The following KCNJ16 variants were observed in gnomAD, a reference collection of about 807,000 sequenced individuals.
The protein encoded by KCNJ16 is inward rectifier potassium channel 16.
In KCNJ16, 15 loss-of-function variants were observed where a neutral mutation model predicts 18.5. The ratio of observed to expected loss-of-function variants is 0.81; its 90% CI spans 0.54 to 1.25. The LOEUF (loss-of-function observed/expected upper bound fraction) is 1.25, where lower values mean the gene tolerates loss of function less well. Ranked by LOEUF, KCNJ16 falls within the 50% of genes most tolerant of loss-of-function variation. The probability of loss-of-function intolerance (pLI) is 0.00; values close to 1 mark genes in which losing one functional copy is unlikely to be tolerated. For synonymous variants in KCNJ16, 174 were observed against 186.5 expected (o/e 0.93, Z 0.55); for missense variants, 523 against 525.7 (o/e 0.99, Z 0.05).
At chr17:70,088,804 G>C (rs757281608) in intron 1 of KCNJ16, among the ~76,000 whole-genome samples, 5 of 151,890 alleles carry the variant, frequency 3.3e-5, no homozygotes, top group African/African-American at 1.2e-4. Flanking sequence ...TTATTTATGT[G>C]ATTCTGACCA....
In KCNJ16 at chr17:70,134,638, A is replaced by G. The variant is rs1031784692; in HGVS notation, c.*1294A>G. On this transcript the variant is annotated 3_prime_UTR_variant, in exon 4 of 4. Transcript: ENST00000392671. ...AGTAAAGAGTCACTTTAAACTTTAT[A>G]AATCAAAGAGATATTAGGAACATTC... is the stretch of plus-strand genomic sequence containing the variant. 1.2e-5 allele frequency: 2 copies of G among 167,086 alleles called. No individual in the cohort carries two copies. The highest frequency in any genetic ancestry group is 4.8e-5 in the African/African-American group (2 of 41,462). 10.4% of individuals were successfully genotyped at this position (167,086 alleles called of 1,614,324 possible). A position where few individuals can be genotyped will look rare whatever the true frequency, so the allele number is the denominator to read the frequency against.
chr17:70,132,683 T>C lies in KCNJ16; in HGVS notation c.596T>C (p.Leu199Pro). Reference sequence around the variant, plus strand: ...GGTATGAGAGATGGGAAGCTTTGCCTCATGTGGCGCATTGGTGATTTTCGG... The same window carrying C: ...GGTATGAGAGATGGGAAGCTTTGCCCCATGTGGCGCATTGGTGATTTTCGG... ...LIGMRDGKLC[L>P]MWRIGDFRPN... The change falls in exon 4 of 4, where the codon CTC becomes CCC. Residue 199 changes from leucine to proline, a missense_variant. Physicochemically the swap from Leu to Pro is moderately conservative, Grantham distance 98. Transcript: ENST00000392671. The C allele has an allele frequency of 6.2e-7, 1 of 1,614,186 alleles. No individual in the cohort carries two copies. The highest frequency in any genetic ancestry group is 8.5e-7 in the Non-Finnish European group (1 of 1,180,036).
At chr17:70,122,716 CCT>C (rs1598170087) in intron 2 of KCNJ16, among the ~76,000 whole-genome samples, 1 of 152,102 alleles carries the variant, frequency 6.6e-6, no homozygotes, top group Non-Finnish European at 1.5e-5. Context: ...CTGTGACTTG[CCT>C]CTCTCTTTCA....
rs1198076849 is a variant in KCNJ16 at position 70,130,983 on chromosome 17, C to T, written c.-94+8C>T. On this transcript the variant is annotated splice_region_variant and intron_variant, in intron 3 of 3. Transcript: ENST00000392671. ...CCATGGATGCTAAAAATGGTAAGAGCTGCATGTTCTGCCTTGATGTTTTCA... is the reference window on the plus strand; with the variant it reads ...CCATGGATGCTAAAAATGGTAAGAGTTGCATGTTCTGCCTTGATGTTTTCA... 3.9e-6 allele frequency: 6 copies of T among 1,535,132 alleles called. No individual in the cohort carries two copies. The highest frequency in any genetic ancestry group is 5.2e-6 in the Non-Finnish European group (6 of 1,146,150).
intron 1 of KCNJ16, among the ~76,000 whole-genome samples, chr17:70,077,989 T>C (rs1194094819): frequency 1.3e-5 from 2 of 152,204 alleles, no homozygotes; most frequent in Non-Finnish European, 2.9e-5. Flanking sequence ...AGAACTATTT[T>C]TATCATCATG....
chr17:70,114,312 C>A (rs148301457), intron 2 of KCNJ16, among the ~76,000 whole-genome samples: 119 of 152,236 alleles, frequency 7.8e-4, no homozygotes, highest in Non-Finnish European at 1.2e-3. Context: ...AATAAATAGA[C>A]TCTCTGTAAA....
intron 2 of KCNJ16, among the ~76,000 whole-genome samples, chr17:70,111,597 G>C (rs972681856): frequency 4.6e-5 from 7 of 152,062 alleles, no homozygotes; most frequent in Admixed American, 1.3e-4. Context: ...TATGCTCGCA[G>C]ACAGGCAAGG....
intron 2 of KCNJ16, among the ~76,000 whole-genome samples, chr17:70,105,487 C>T (rs1711539917): frequency 6.6e-6 from 1 of 152,172 alleles, no homozygotes; most frequent in South Asian, 2.1e-4. Flanking sequence ...CACTCTTCCA[C>T]TGTTGCAAAG....
At chr17:70,116,396 G>A (rs1310808033) in intron 2 of KCNJ16, among the ~76,000 whole-genome samples, 2 of 152,018 alleles carry the variant, frequency 1.3e-5, no homozygotes, top group South Asian at 2.1e-4. Context: ...CAATGTAGTC[G>A]TGTCTTTGTA....
At chr17:70,129,670 A>C (rs1184861221) in intron 2 of KCNJ16, among the ~76,000 whole-genome samples, 1 of 152,240 alleles carries the variant, frequency 6.6e-6, no homozygotes, top group Non-Finnish European at 1.5e-5. Flanking sequence ...CCACATCAGG[A>C]AACATGGTGA....
At chr17:70,125,888 C>T (rs1477813975) in intron 2 of KCNJ16, among the ~76,000 whole-genome samples, 1 of 151,540 alleles carries the variant, frequency 6.6e-6, no homozygotes, top group Non-Finnish European at 1.5e-5. Flanking sequence ...GCCGAGATCG[C>T]ACCACTGTGC....
rs531305027 is a variant in KCNJ16 at position 70,121,739 on chromosome 17, G to A, written c.-190-9140G>A. On this transcript the variant is annotated intron_variant, in intron 2 of 3. Coordinates refer to ENST00000392671, the MANE Select transcript of KCNJ16 (RefSeq NM_170741.4). ...GAGGCCATGAGTTCAAGACCAGCTTGGCCAACATAGTGAAACCCCTAGTGA... is the reference window on the plus strand; with the variant it reads ...GAGGCCATGAGTTCAAGACCAGCTTAGCCAACATAGTGAAACCCCTAGTGA... 5.9e-5 allele frequency among the ~76,000 whole-genome samples: 9 copies of A among 152,148 alleles called. No homozygotes were observed. In the East Asian group the frequency reaches 1.7e-3, roughly 29 times the overall value.
At chr17:70,097,505 C>G (rs1193708219) in intron 1 of KCNJ16, among the ~76,000 whole-genome samples, 2 of 152,086 alleles carry the variant, frequency 1.3e-5, no homozygotes, top group Non-Finnish European at 2.9e-5. Flanking sequence ...TCAGGAGCAC[C>G]AGGAATGCTT....
At chr17:70,124,664 G>T (rs1282780872) in intron 2 of KCNJ16, among the ~76,000 whole-genome samples, 2 of 152,146 alleles carry the variant, frequency 1.3e-5, no homozygotes, top group Admixed American at 6.5e-5. Flanking sequence ...GGGATGGGCA[G>T]ACTGATTTTC....
At chr17:70,077,841 T>C (rs1314728387) in intron 1 of KCNJ16, among the ~76,000 whole-genome samples, 1 of 151,758 alleles carries the variant, frequency 6.6e-6, no homozygotes. Flanking sequence ...CTTGGTTAAA[T>C]TTTTCAGGCC....
At chr17:70,086,434 T>TA (rs1344366652) in intron 1 of KCNJ16, among the ~76,000 whole-genome samples, 1 of 152,200 alleles carries the variant, frequency 6.6e-6, no homozygotes, top group African/African-American at 2.4e-5. Flanking sequence ...TTTTTAAAGG[T>TA]AAAATATGTT....
At position 70,122,884 on chromosome 17, in the gene KCNJ16, T is replaced by C. The variant is rs542838394; in HGVS notation, c.-190-7995T>C. Among the ~76,000 whole-genome samples, 4 of 152,306 alleles carry C rather than the reference T, an allele frequency of 2.6e-5. No individual in the cohort carries two copies. The South Asian group carries it at 6.2e-4, about 24-fold the overall frequency. On this transcript the variant is annotated intron_variant, in intron 2 of 3. Transcript: ENST00000392671. ...CTAGATCATGTGGCCCTGCCGCACA[T>C]GAAGGGTGAGAAAGCACTGTAATGA...
chr17:70,079,157 C>T (rs567831085), intron 1 of KCNJ16, among the ~76,000 whole-genome samples: 11 of 152,046 alleles, frequency 7.2e-5, no homozygotes, highest in Non-Finnish European at 1.2e-4. Context: ...ATCTGTAGGG[C>T]GGGCTGGTAG....
In KCNJ16 at chr17:70,130,325, G is replaced by T. The variant is rs201126077; in HGVS notation, c.-190-554G>T. On this transcript the variant is annotated intron_variant, in intron 2 of 3. Transcript: ENST00000392671. ...ATTGGACCTTCCAGTAAGCATTTTCGCAGCCCTAGGTCACATCTTGAAATT... is the reference window on the plus strand; with the variant it reads ...ATTGGACCTTCCAGTAAGCATTTTCTCAGCCCTAGGTCACATCTTGAAATT... Among the ~76,000 whole-genome samples, 4 of 152,066 alleles carry T rather than the reference G, an allele frequency of 2.6e-5. No homozygotes were observed. In the East Asian group the frequency reaches 5.8e-4, roughly 22 times the overall value.
Sources: gnomAD v4.1 joint callset for allele counts (sites outside exome capture counted in the v4.1 genomes callset) on GRCh38, gnomAD v4.1.1 for gene constraint, MANE v1.5 for transcripts, NCBI Gene and HGNC (gene_info 2026-07-23, HGNC 2026-07-21) for gene names.